ANGPTL6: variants seen among roughly 807,000 people sequenced by gnomAD.
The protein encoded by ANGPTL6 is angiopoietin-related protein 6.
In ANGPTL6, 45 loss-of-function variants were observed where a neutral mutation model predicts 47.4. The observed-to-expected ratio is 0.95, with a 90% confidence interval of 0.75 to 1.22. The LOEUF is 1.22. Ranked by LOEUF, ANGPTL6 falls within the 50% of genes most tolerant of loss-of-function variation. The probability of loss-of-function intolerance (pLI) is 0.00; values close to 1 mark genes in which losing one functional copy is unlikely to be tolerated. For synonymous variants in ANGPTL6, 290 were observed against 295.9 expected (o/e 0.98, Z 0.20); for missense variants, 698 against 669.4 (o/e 1.04, Z -0.47).
rs1270176009 is a variant in ANGPTL6 at position 10,096,435 on chromosome 19, G to C, written c.129C>G (p.Cys43Trp). 32 of 1,436,054 alleles carry C rather than the reference G, an allele frequency of 2.2e-5. No individual in the cohort carries two copies. Among genetic ancestry groups the C allele is most frequent in the Non-Finnish European group, 2.7e-5 (30 of 1,103,924 alleles). 89.0% of individuals were successfully genotyped at this position (1,436,054 alleles called of 1,614,324 possible). ...LPPQKFTGAV[C>W]WSGPASTRAT... ...CCCGCGTGGATGCGGGGCCGCTCCA[G>C]CACACAGCGCCCGTGAACTTCTGCG... The change falls in exon 2 of 6, where the codon TGC becomes TGG. Residue 43 changes from cysteine to tryptophan, a missense_variant. Cys to Trp is a radical substitution (Grantham distance 215). Coordinates refer to ENST00000253109, the MANE Select transcript of ANGPTL6 (RefSeq NM_031917.3).
At position 10,094,751 on chromosome 19, in the gene ANGPTL6, G is replaced by A. The variant is rs200425702; in HGVS notation, c.763+7C>T. 3.5e-5 allele frequency: 56 copies of A among 1,613,842 alleles called. No individual in the cohort carries two copies. Among genetic ancestry groups the A allele is most frequent in the Non-Finnish European group, 4.7e-5 (55 of 1,180,002 alleles). ...CCCACAATTCCTCAGCCCTAATGTC[G>A]ACTTACCCACAGGCTTGGTGGGGAC... On this transcript the variant is annotated splice_region_variant and intron_variant, in intron 3 of 5. Coordinates refer to ENST00000253109, the MANE Select transcript of ANGPTL6 (RefSeq NM_031917.3).
Position 10,096,498 on chromosome 19 carries a change from C to T in ANGPTL6, c.66G>A (p.Ala22=), listed in dbSNP as rs1345384190. Residue 22 remains alanine (A), a synonymous_variant, in exon 2 of 6, where the codon GCG becomes GCA. Coordinates refer to ENST00000253109, the MANE Select transcript of ANGPTL6 (RefSeq NM_031917.3). ...LLLLGASWAR[A]GAPRCTYTFV... ...AGGTGTAGGTGCAGCGCGGGGCGCC[C>T]GCCCGCGCCCACGACGCGCCCAGCA... 9 of 1,512,704 alleles carry T rather than the reference C, an allele frequency of 5.9e-6. No individual in the cohort carries two copies. The highest frequency in any genetic ancestry group is 7.9e-6 in the Non-Finnish European group (9 of 1,137,496). The allele number at this position is 1,512,704 out of a possible 1,614,324, so 93.7% of individuals were successfully genotyped here.
intron 1 of ANGPTL6, among the ~76,000 whole-genome samples, chr19:10,101,173 C>T (rs1230782888): frequency 6.6e-6 from 1 of 151,966 alleles, no homozygotes; most frequent in East Asian, 1.9e-4. Context: ...TGCACCACTG[C>T]ACTCCAGCCT....
intron 1 of ANGPTL6, among the ~76,000 whole-genome samples, chr19:10,099,810 T>G (rs10410922): frequency 0.5 from 74,593 of 147,972 alleles, 19,314 homozygotes; most frequent in Non-Finnish European, 0.57. Context: ...ATACAAGCTC[T>G]CTCTCTCTCT....
chr19:10,095,453 T>G (rs1354450746), intron 2 of ANGPTL6, among the ~76,000 whole-genome samples: 1 of 152,148 alleles, frequency 6.6e-6, no homozygotes, highest in Non-Finnish European at 1.5e-5. Flanking sequence ...AGAGCTGGGC[T>G]TAAATACCGG....
upstream of ANGPTL6, among the ~76,000 whole-genome samples, chr19:10,105,265 C>T (rs144574044): frequency 6.6e-6 from 1 of 152,274 alleles, no homozygotes; most frequent in Non-Finnish European, 1.5e-5. Context: ...ACCCTCAGCC[C>T]CCTCTGGCTT....
In ANGPTL6 at chr19:10,093,853, C is replaced by A. The variant is rs150117768; in HGVS notation, c.791G>T (p.Arg264Leu). Reference sequence around the variant, plus strand: ...TCCACTCTGTTCATGGCCTGCCTGGCGGGCCTCTGCACAATCCTGCCACGG... The same window carrying A: ...TCCACTCTGTTCATGGCCTGCCTGGAGGGCCTCTGCACAATCCTGCCACGG... Reference protein sequence around the residue: ...VGPWQDCAEARQAGHEQSGVY... With the variant: ...VGPWQDCAEALQAGHEQSGVY... The change falls in exon 4 of 6, where the codon CGC (arginine) becomes CTC (leucine). Residue 264 changes from arginine to leucine, a missense_variant. Arg to Leu is a moderately radical substitution (Grantham distance 102). Coordinates refer to ENST00000253109, the MANE Select transcript of ANGPTL6 (RefSeq NM_031917.3). 263 of 1,610,454 alleles carry A rather than the reference C, an allele frequency of 1.6e-4. 1 individual carries two copies. Among genetic ancestry groups the A allele is most frequent in the Non-Finnish European group, 2.5e-5 (29 of 1,180,022 alleles).
chr19:10,105,656 G>C (rs182516587), upstream of ANGPTL6, among the ~76,000 whole-genome samples: 407 of 151,968 alleles, frequency 2.7e-3, 1 homozygote, highest in Middle Eastern at 0.02. Flanking sequence ...AGGAAGAATT[G>C]GGGTGCCAGA....
chr19:10,099,528 G>C lies in ANGPTL6; in HGVS notation c.-10-2955C>G, dbSNP rs2088627623. On this transcript the variant is annotated intron_variant, in intron 1 of 5. Coordinates refer to ENST00000253109, the MANE Select transcript of ANGPTL6 (RefSeq NM_031917.3). ...GGAGGCAGAGCTTGCAGTGAGCCGA[G>C]ACTGTGCCACTGCACTCTAGCCTGG... 3.0e-5 allele frequency among the ~76,000 whole-genome samples: 4 copies of C among 131,604 alleles called. No individual in the cohort carries two copies. The South Asian group carries it at 9.8e-4, about 32-fold the overall frequency. 86.3% of individuals were successfully genotyped at this position (131,604 alleles called of 152,430 possible).
chr19:10,098,005 C>CA (rs71188881), intron 1 of ANGPTL6, among the ~76,000 whole-genome samples: 60 of 130,872 alleles, frequency 4.6e-4, no homozygotes, highest in African/African-American at 8.9e-4. Context: ...CTGTCTCTAC[C>CA]AAAAAAAAAA....
In ANGPTL6 at chr19:10,096,103, G is replaced by C; in HGVS notation, c.461C>G (p.Ala154Gly). Reference sequence around the variant, plus strand: ...GACGTCCAGCTGGTGGAACCGGGCGGCTGCGCGCTGAGCCTCGGCGGACGC... The same window carrying C: ...GACGTCCAGCTGGTGGAACCGGGCGCCTGCGCGCTGAGCCTCGGCGGACGC... ...LNASAEAQRAAARFHQLDVKF... is the reference protein window; with the variant it reads ...LNASAEAQRAGARFHQLDVKF... Residue 154 changes from alanine (A) to glycine (G), a missense_variant, in exon 2 of 6, where the codon GCC (alanine) becomes GGC (glycine). By Grantham distance (60) the Ala-to-Gly change is moderately conservative. Coordinates refer to ENST00000253109, the MANE Select transcript of ANGPTL6 (RefSeq NM_031917.3). 2.0e-6 allele frequency: 3 copies of C among 1,486,148 alleles called. No individual in the cohort carries two copies. The South Asian group carries it at 3.8e-5, about 19-fold the overall frequency. The allele number at this position is 1,486,148 out of a possible 1,614,324, so 92.1% of individuals were successfully genotyped here.
At chr19:10,098,168 C>T (rs2088593243) in intron 1 of ANGPTL6, among the ~76,000 whole-genome samples, 1 of 151,974 alleles carries the variant, frequency 6.6e-6, no homozygotes, top group Non-Finnish European at 1.5e-5. Flanking sequence ...ACAGGTGTGA[C>T]CCACCATGCC....
Position 10,093,828 on chromosome 19 carries a change from T to C in ANGPTL6, c.816A>G (p.Gly272=). The C allele has an allele frequency of 6.2e-7, 1 of 1,613,172 alleles. No individual in the cohort carries two copies. The highest frequency in any genetic ancestry group is 8.5e-7 in the Non-Finnish European group (1 of 1,180,034). The change falls in exon 4 of 6, where the codon GGA becomes GGG. Residue 272 remains glycine (G), a synonymous_variant. Transcript: ENST00000253109. ...GACGGCCCACTCGCAGTTCATACACTCCACTCTGTTCATGGCCTGCCTGGC... is the reference window on the plus strand; with the variant it reads ...GACGGCCCACTCGCAGTTCATACACCCCACTCTGTTCATGGCCTGCCTGGC... ...EARQAGHEQS[G]VYELRVGRHV... is the part of the protein sequence containing the mutation.
chr19:10,102,977 A>G (rs2088719641), upstream of ANGPTL6, among the ~76,000 whole-genome samples: 2 of 151,688 alleles, frequency 1.3e-5, no homozygotes, highest in African/African-American at 4.8e-5. Flanking sequence ...CACACCACAC[A>G]TAGAAAGAGG....
chr19:10,095,891 G>T, intron 2 of ANGPTL6, 91 bp downstream of exon 2: 1 of 810,180 alleles, frequency 1.2e-6, no homozygotes, highest in Non-Finnish European at 1.7e-6. Context: ...TCAGGGTTTT[G>T]CGGATTTCAG....
At chr19:10,098,412 G>C (rs1464627500) in intron 1 of ANGPTL6, among the ~76,000 whole-genome samples, 1 of 152,118 alleles carries the variant, frequency 6.6e-6, no homozygotes, top group African/African-American at 2.4e-5. Flanking sequence ...TCTGTGCAGG[G>C]GCAGCTTGAG....
upstream of ANGPTL6, among the ~76,000 whole-genome samples, chr19:10,105,310 A>C (rs1048433726): frequency 6.6e-6 from 1 of 152,248 alleles, no homozygotes; most frequent in Non-Finnish European, 1.5e-5. Context: ...GAACTTCATA[A>C]GTCACAGAGA....
At chr19:10,102,128 A>AG (rs2088696572) in intron 1 of ANGPTL6, among the ~76,000 whole-genome samples, 1 of 150,216 alleles carries the variant, frequency 6.7e-6, no homozygotes, top group African/African-American at 2.4e-5. Context: ...AAAAAAAAAA[A>AG]AAAAAAAAAA....
intron 1 of ANGPTL6, among the ~76,000 whole-genome samples, chr19:10,097,730 G>A (rs181954957): frequency 2.0e-5 from 3 of 152,068 alleles, no homozygotes; most frequent in African/African-American, 4.8e-5. Context: ...GCGGGCACTT[G>A]TAGTCCCAGC....
Sources: gnomAD v4.1 joint callset for allele counts (sites outside exome capture counted in the v4.1 genomes callset) on GRCh38, gnomAD v4.1.1 for gene constraint, MANE v1.5 for transcripts, NCBI Gene and HGNC (gene_info 2026-07-23, HGNC 2026-07-21) for gene names.